The following TMEM38B variants were observed in gnomAD, a reference collection of about 807,000 sequenced individuals.
TMEM38B encodes transmembrane protein 38B.
A neutral mutation model predicts 28.7 loss-of-function variants in TMEM38B; 24 were observed. The observed-to-expected ratio is 0.84, with a 90% CI of 0.61 to 1.18. The LOEUF is 1.18. Ranked by LOEUF, TMEM38B falls within the 50% of genes most tolerant of loss-of-function variation. The pLI, the probability that TMEM38B is intolerant of heterozygous loss-of-function variation, is 0.00. For missense variants in TMEM38B, 380 were observed against 350.9 expected (o/e 1.08, Z -0.66); for synonymous variants, 131 against 127.7 (o/e 1.03, Z -0.17).
intron 4 of TMEM38B, among the ~76,000 whole-genome samples, chr9:105,739,801 G>A (rs1251259985): frequency 1.3e-5 from 2 of 151,068 alleles, no homozygotes; most frequent in African/African-American, 4.9e-5. Context: ...TTGGGATTAT[G>A]GGCATGAGCC....
At chr9:105,698,215 A>G (rs563060801) in intron 1 of TMEM38B, among the ~76,000 whole-genome samples, 1 of 151,056 alleles carries the variant, frequency 6.6e-6, no homozygotes, top group East Asian at 1.9e-4. Flanking sequence ...CCCGGGTTCC[A>G]TTTCTTTTTC....
chr9:105,759,773 C>A (rs1013728813), intron 5 of TMEM38B: 13 of 1,608,358 alleles, frequency 8.1e-6, no homozygotes, highest in African/African-American at 4.0e-5. Flanking sequence ...TTTAAGAGAA[C>A]CACTACTTTG....
Position 105,764,227 on chromosome 9 carries a change from G to A in TMEM38B, c.661-9638G>A, listed in dbSNP as rs1193779893. On this transcript the variant is annotated intron_variant, in intron 5 of 5. Transcript: ENST00000374692. ...ATTCAACATAGTGTTGGAAGTTCTG[G>A]CTAGGGCAATTAAGCAGGAGAAGGA... Among the ~76,000 whole-genome samples the A allele has an allele frequency of 1.1e-4, 17 of 152,022 alleles. No individual in the cohort carries two copies. In the East Asian group the frequency reaches 3.1e-3, roughly 28 times the overall value.
intron 1 of TMEM38B, among the ~76,000 whole-genome samples, chr9:105,698,814 G>A (rs1236469414): frequency 6.6e-6 from 1 of 151,988 alleles, no homozygotes; most frequent in Non-Finnish European, 1.5e-5. Context: ...TTTGATATTT[G>A]GTAGACTTCA....
At chr9:105,726,511 C>G (rs185442238) in intron 4 of TMEM38B, among the ~76,000 whole-genome samples, 183 of 152,252 alleles carry the variant, frequency 1.2e-3, no homozygotes, top group African/African-American at 4.2e-3. Context: ...TCTTGTCCCA[C>G]TTGAAGGTCT....
At chr9:105,723,430 A>G (rs1395126175) in intron 4 of TMEM38B, among the ~76,000 whole-genome samples, 1 of 149,944 alleles carries the variant, frequency 6.7e-6, no homozygotes, top group African/African-American at 2.5e-5. Flanking sequence ...TTTTTGAGAC[A>G]GGGTTTTATT....
chr9:105,759,944 C>T (rs757098877), intron 5 of TMEM38B: 139 of 1,581,974 alleles, frequency 8.8e-5, no homozygotes, highest in Non-Finnish European at 1.0e-4. Context: ...CAAAGCAGCA[C>T]AAGTGTGCAA....
chr9:105,747,141 A>C (rs1480289642), intron 4 of TMEM38B, among the ~76,000 whole-genome samples: 1 of 152,198 alleles, frequency 6.6e-6, no homozygotes, highest in Non-Finnish European at 1.5e-5. Flanking sequence ...CTATAGTTTC[A>C]GAAGGAATGG....
intron 5 of TMEM38B, among the ~76,000 whole-genome samples, chr9:105,769,950 T>C (rs1826492991): frequency 6.6e-6 from 1 of 151,992 alleles, no homozygotes; most frequent in Non-Finnish European, 1.5e-5. Flanking sequence ...GAGGAGGAGA[T>C]AGTTTTAAAG....
chr9:105,709,288 A>G (rs1835805533), intron 2 of TMEM38B, among the ~76,000 whole-genome samples: 2 of 152,206 alleles, frequency 1.3e-5, no homozygotes. Flanking sequence ...CAGTCACTGC[A>G]CAATAAATCA....
chr9:105,733,713 G>A (rs7030399), intron 4 of TMEM38B, among the ~76,000 whole-genome samples: 35,419 of 151,418 alleles, frequency 0.23, 6,784 homozygotes, highest in African/African-American at 0.51. Flanking sequence ...ATTTTTTTAA[G>A]GAATTTATTC....
chr9:105,694,717 C>CT lies in TMEM38B; in HGVS notation c.63dup (p.Asp22Ter). ...CCTTCTCCCGCACGTCCATGTTTCC[C>CT]TTTTTTGACATCGCGCACTATCTAG... On this transcript the variant is annotated frameshift_variant, in exon 1 of 6. Transcript: ENST00000374692. LOFTEE classifies it high-confidence loss of function. 6.2e-7 allele frequency: 1 copy of CT among 1,613,988 alleles called. No homozygotes were observed. Among genetic ancestry groups the CT allele is most frequent in the Non-Finnish European group, 8.5e-7 (1 of 1,179,904 alleles).
In TMEM38B at chr9:105,773,551, C is replaced by T. The variant is rs115745465; in HGVS notation, c.661-314C>T. Among the ~76,000 whole-genome samples, 1,490 of 152,254 alleles carry T rather than the reference C, an allele frequency of 9.8e-3. 24 individuals carry two copies. Among genetic ancestry groups the T allele is most frequent in the African/African-American group, 0.034 (1,419 of 41,554 alleles). On this transcript the variant is annotated intron_variant, in intron 5 of 5. Coordinates refer to ENST00000374692, the MANE Select transcript of TMEM38B (RefSeq NM_018112.3). ...TGTAAAGCACTTATCTTCGTTCTGA[C>T]ACATGTTAAATGCATAGTGATGTTG...
rs1487130505 is a variant in TMEM38B at position 105,775,018 on chromosome 9, A to C, written c.*938A>C. ...TTCAACAAAAAGCATATCCGTTCAA[A>C]AATTTTTCCACTATGTCTTTTTTCT... On this transcript the variant is annotated 3_prime_UTR_variant, in exon 6 of 6. Transcript: ENST00000374692. 6.6e-6 allele frequency: 1 copy of C among 152,072 alleles called. No homozygotes were observed. Among genetic ancestry groups the C allele is most frequent in the Non-Finnish European group, 1.5e-5 (1 of 67,956 alleles). The allele number at this position is 152,072 out of a possible 1,614,324, so 9.4% of individuals were successfully genotyped here. A position where few individuals can be genotyped will look rare whatever the true frequency, so the allele number is the denominator to read the frequency against.
intron 2 of TMEM38B, chr9:105,710,263 G>A (rs1835851957): frequency 3.2e-6 from 2 of 615,838 alleles, no homozygotes; most frequent in East Asian, 3.0e-5. Context: ...AAGCACAACT[G>A]TACTGGATAT....
chr9:105,739,305 CT>C (rs769439573), intron 4 of TMEM38B, among the ~76,000 whole-genome samples: 7,654 of 136,610 alleles, frequency 0.056, 514 homozygotes, highest in African/African-American at 0.17. Context: ...TAACTTGGTT[CT>C]TTTTTTTTTT....
chr9:105,760,328 T>C (rs1265796601), intron 5 of TMEM38B: 7 of 776,112 alleles, frequency 9.0e-6, no homozygotes, highest in Admixed American at 1.7e-5. Context: ...GCTGGAAGAT[T>C]AGTTTCTTTC....
chr9:105,758,474 G>A (rs1837914242), intron 5 of TMEM38B: 1 of 1,340,556 alleles, frequency 7.5e-7, no homozygotes, highest in African/African-American at 1.4e-5. Context: ...GAGAAGCAGT[G>A]GATTGGCTTT....
intron 5 of TMEM38B, among the ~76,000 whole-genome samples, chr9:105,764,230 A>C (rs1323403269): frequency 3.3e-5 from 5 of 152,176 alleles, no homozygotes; most frequent in African/African-American, 4.8e-5. Flanking sequence ...AGTTCTGGCT[A>C]GGGCAATTAA....
Sources: gnomAD v4.1 joint callset for allele counts (sites outside exome capture counted in the v4.1 genomes callset) on GRCh38, gnomAD v4.1.1 for gene constraint, MANE v1.5 for transcripts, NCBI Gene and HGNC (gene_info 2026-07-23, HGNC 2026-07-21) for gene names.